The following CFAP20DC variants were observed in gnomAD, a reference collection of about 807,000 sequenced individuals.
CFAP20DC encodes the protein protein CFAP20DC.
A neutral mutation model predicts 101.7 loss-of-function variants in CFAP20DC; 84 were observed. The ratio of observed to expected loss-of-function variants is 0.83; its 90% CI spans 0.69 to 0.99. The LOEUF (loss-of-function observed/expected upper bound fraction) is 0.99. CFAP20DC is among the 50% of genes least tolerant of loss of function. The pLI, the probability that CFAP20DC is intolerant of heterozygous loss-of-function variation, is 0.00. For synonymous variants in CFAP20DC, 359 were observed against 351.2 expected, an observed-to-expected ratio of 1.02 and a Z score of -0.25; for missense variants, 1,007 against 970.3, an observed-to-expected ratio of 1.04 and a Z score of -0.50.
Position 58,884,653 on chromosome 3 carries a change from A to C in CFAP20DC, c.607T>G (p.Cys203Gly), listed in dbSNP as rs1370823999. Residue 203 changes from cysteine to glycine, a missense_variant, in exon 7 of 17, where the codon TGT (cysteine) becomes GGT (glycine). Coordinates refer to ENST00000482387, the MANE Select transcript of CFAP20DC (RefSeq NM_001394063.1). The part of the protein sequence containing the change: ...DEPTDIIPRS[C>G]QLMTDVPHVT... ...TGTGGAACATCTGTCATTAGTTGACAGCTTCGTGGTATAATATCTGTAGGC... is the reference window on the plus strand; with the variant it reads ...TGTGGAACATCTGTCATTAGTTGACCGCTTCGTGGTATAATATCTGTAGGC... 8 of 1,613,916 alleles carry C rather than the reference A, an allele frequency of 5.0e-6. No homozygotes were observed. The highest frequency in any genetic ancestry group is 4.2e-6 in the Non-Finnish European group (5 of 1,179,774).
chr3:58,903,738 C>T (rs762172303), intron 6 of CFAP20DC, among the ~76,000 whole-genome samples: 6 of 152,090 alleles, frequency 3.9e-5, no homozygotes, highest in South Asian at 2.1e-4. Context: ...TACCTCTCAC[C>T]GGGTCTCTCC....
intron 15 of CFAP20DC, among the ~76,000 whole-genome samples, chr3:58,769,672 G>A (rs769747964): frequency 6.6e-6 from 1 of 152,172 alleles, no homozygotes; most frequent in Admixed American, 6.5e-5. Context: ...TGAGAATTAC[G>A]CTTGCCAGAC....
intron 5 of CFAP20DC, among the ~76,000 whole-genome samples, chr3:58,918,392 A>G (rs965715488): frequency 6.6e-6 from 1 of 152,138 alleles, no homozygotes; most frequent in Non-Finnish European, 1.5e-5. Flanking sequence ...CTACAGATGC[A>G]TCCACACCAT....
intron 15 of CFAP20DC, among the ~76,000 whole-genome samples, chr3:58,757,494 G>A (rs2069075515): frequency 6.6e-6 from 1 of 151,664 alleles, no homozygotes; most frequent in Non-Finnish European, 1.5e-5. Context: ...TGTTTATGGT[G>A]GTTTTTCTTT....
chr3:58,869,340 C>T lies in CFAP20DC; in HGVS notation c.1003G>A (p.Val335Ile). ...KENIHQIKQT[V>I]PIHAANLHIM... Reference sequence around the variant, plus strand: ...GATTATTTCTTACCATGAATAGGTACAGTCTGCTTTATTTGGTGAATATTT... The same window carrying T: ...GATTATTTCTTACCATGAATAGGTATAGTCTGCTTTATTTGGTGAATATTT... The change falls in exon 9 of 17, where the codon GTA becomes ATA. Residue 335 changes from valine (V) to isoleucine (I), a missense_variant. Coordinates refer to ENST00000482387, the MANE Select transcript of CFAP20DC (RefSeq NM_001394063.1). The surrounding 1 kb of genome is among the most constrained non-coding windows in gnomAD (Gnocchi z 4.3). 1.9e-6 allele frequency: 3 copies of T among 1,612,358 alleles called. No homozygotes were observed. Among genetic ancestry groups the T allele is most frequent in the South Asian group, 1.1e-5 (1 of 90,888 alleles).
At chr3:58,915,850 T>G (rs2084651573) in intron 5 of CFAP20DC, among the ~76,000 whole-genome samples, 1 of 152,154 alleles carries the variant, frequency 6.6e-6, no homozygotes, top group Non-Finnish European at 1.5e-5. Flanking sequence ...CCCTCTGTAT[T>G]TTAAAGTAAT....
At chr3:58,886,732 GA>G (rs1559767893) in intron 6 of CFAP20DC, among the ~76,000 whole-genome samples, 1 of 151,084 alleles carries the variant, frequency 6.6e-6, no homozygotes, top group Non-Finnish European at 1.5e-5. Context: ...AAAAGAAAAA[GA>G]AAAAAAAGTG....
chr3:58,758,401 C>G (rs1475491989), intron 15 of CFAP20DC, among the ~76,000 whole-genome samples: 1 of 152,020 alleles, frequency 6.6e-6, no homozygotes, highest in African/African-American at 2.4e-5. Flanking sequence ...TAGTTCTGAA[C>G]CATTTCGTGG....
At chr3:59,025,571 A>G (rs189520710) in intron 4 of CFAP20DC, among the ~76,000 whole-genome samples, 2 of 152,176 alleles carry the variant, frequency 1.3e-5, no homozygotes, top group African/African-American at 4.8e-5. Context: ...TAACTACCCA[A>G]AAAACACATA....
intron 12 of CFAP20DC, among the ~76,000 whole-genome samples, chr3:58,850,588 C>CAA (rs1302854050): frequency 1.8e-5 from 1 of 56,428 alleles, no homozygotes; most frequent in Non-Finnish European, 3.6e-5. Flanking sequence ...AACTCCATCT[C>CAA]AAAAAAAAAA....
chr3:58,717,703 C>A lies in CFAP20DC; in HGVS notation c.198-75G>T. ...TACATGCCTTTTATTCTGGGTCTGT[C>A]CATTGTTATCAGGAAAACAATGCTT... On this transcript the variant is annotated intron_variant, in intron 3 of 3. Transcript: ENST00000486145. This position sits in a 1 kb window ranked among gnomAD's most constrained non-coding sequence, Gnocchi z 4.1. 2 of 396,008 alleles carry A rather than the reference C, an allele frequency of 5.1e-6. No homozygotes were observed. The highest frequency in any genetic ancestry group is 5.0e-6 in the Non-Finnish European group (1 of 201,674). 24.5% of individuals were successfully genotyped at this position (396,008 alleles called of 1,614,324 possible).
intron 4 of CFAP20DC, among the ~76,000 whole-genome samples, chr3:58,996,710 AT>A (rs2093146086): frequency 1.3e-5 from 2 of 152,154 alleles, no homozygotes; most frequent in African/African-American, 2.4e-5. Flanking sequence ...ATAAGCAAAC[AT>A]TTTTTTCCTA....
chr3:58,786,355 A>G (rs1014372211), intron 15 of CFAP20DC, among the ~76,000 whole-genome samples: 2 of 152,176 alleles, frequency 1.3e-5, no homozygotes, highest in Admixed American at 6.6e-5. Context: ...CAATCCAGAG[A>G]TGGAGGCAGA....
At chr3:58,718,655 C>G (rs2107039119) in intron 3 of CFAP20DC, among the ~76,000 whole-genome samples, 1 of 152,226 alleles carries the variant, frequency 6.6e-6, no homozygotes, top group East Asian at 1.9e-4. Context: ...CTCACCTCAG[C>G]CTCTCCATCT....
At chr3:58,815,641 T>C (rs1355825301) in intron 14 of CFAP20DC, among the ~76,000 whole-genome samples, 4 of 151,214 alleles carry the variant, frequency 2.6e-5, no homozygotes, top group African/African-American at 9.8e-5. Flanking sequence ...GAATCTACAA[T>C]GAACTCAAAC....
rs547437068 is a variant in CFAP20DC, at chr3:58,859,695, G to A, written c.1593+3863C>T. ...CTGGTAGGTATACAGAATATGTTAT[G>A]TTCTAATTCATAATACATAGGAATA... On this transcript the variant is annotated intron_variant, in intron 12 of 16. Coordinates refer to ENST00000482387, the MANE Select transcript of CFAP20DC (RefSeq NM_001394063.1). This position sits in a 1 kb window ranked among gnomAD's most constrained non-coding sequence, Gnocchi z 4.1. 6.6e-6 allele frequency among the ~76,000 whole-genome samples: 1 copy of A among 152,228 alleles called. No homozygotes were observed. Among genetic ancestry groups the A allele is most frequent in the Admixed American group, 6.5e-5 (1 of 15,288 alleles).
intron 3 of CFAP20DC, among the ~76,000 whole-genome samples, chr3:58,719,639 C>T (rs1046726324): frequency 6.6e-6 from 1 of 152,146 alleles, no homozygotes; most frequent in East Asian, 1.9e-4. Flanking sequence ...TGTTTTTACC[C>T]ACCTCTTGAA....
At chr3:58,823,599 G>A (rs1048644029) in intron 14 of CFAP20DC, among the ~76,000 whole-genome samples, 4 of 152,074 alleles carry the variant, frequency 2.6e-5, no homozygotes, top group East Asian at 1.9e-4. Flanking sequence ...ACCCAGGATC[G>A]TGCCTGCCAG....
chr3:58,971,578 T>C lies in CFAP20DC; in HGVS notation c.279-33816A>G, dbSNP rs1179435494. 6.6e-6 allele frequency among the ~76,000 whole-genome samples: 1 copy of C among 152,018 alleles called. No individual in the cohort carries two copies. The highest frequency in any genetic ancestry group is 2.4e-5 in the African/African-American group (1 of 41,408). The stretch of plus-strand genomic sequence containing the variant: ...ATTTAAATAGAGGACATTTCACAGG[T>C]ACACAAAGATACACACATGGATATT... On this transcript the variant is annotated intron_variant, in intron 4 of 16. Coordinates refer to ENST00000482387, the MANE Select transcript of CFAP20DC (RefSeq NM_001394063.1). This position sits in a 1 kb window ranked among gnomAD's most constrained non-coding sequence, Gnocchi z 4.1.
Sources: gnomAD v4.1 joint callset for allele counts (sites outside exome capture counted in the v4.1 genomes callset) on GRCh38, gnomAD v4.1.1 for gene constraint, Gnocchi (gnomAD v3.1) non-coding constraint, MANE v1.5 for transcripts, NCBI Gene and HGNC (gene_info 2026-07-23, HGNC 2026-07-21) for gene names.